The following HPCAL1 variants were observed in gnomAD, a reference collection of about 807,000 sequenced individuals.
The protein encoded by HPCAL1 is hippocalcin like 1.
Under a neutral mutation model 17.1 loss-of-function variants are expected in HPCAL1, and 8 were observed. The ratio of observed to expected loss-of-function variants is 0.47; its 90% confidence interval spans 0.27 to 0.84. The LOEUF is 0.84. HPCAL1 is among the 40% of genes least tolerant of loss of function. HPCAL1 has a pLI of 0.13. For missense variants in HPCAL1, 165 were observed against 271.1 expected (o/e 0.61, Z 2.75); for synonymous variants, 112 against 111.4 (o/e 1.01, Z -0.03).
At position 10,375,328 on chromosome 2, in the gene HPCAL1, C is replaced by T. The variant is rs551583305; in HGVS notation, c.-110-21507C>T. Reference sequence around the variant, plus strand: ...TTGTTCTTACCTAGAATTCACCAGGCAGGACAGGGCTGATGAGGGAGCCCC... The same window carrying T: ...TTGTTCTTACCTAGAATTCACCAGGTAGGACAGGGCTGATGAGGGAGCCCC... On this transcript the variant is annotated intron_variant, in intron 1 of 4. Coordinates refer to ENST00000307845, the MANE Select transcript of HPCAL1 (RefSeq NM_002149.4). Among the ~76,000 whole-genome samples the T allele has an allele frequency of 2.9e-3, 440 of 152,328 alleles. 2 individuals carry two copies. The highest frequency in any genetic ancestry group is 8.7e-3 in the African/African-American group (363 of 41,556).
chr2:10,398,978 G>A (rs535446787), intron 2 of HPCAL1, among the ~76,000 whole-genome samples: 7 of 152,126 alleles, frequency 4.6e-5, no homozygotes, highest in Admixed American at 1.3e-4. Flanking sequence ...ATCTGGGTCC[G>A]TGTTACCTGG....
chr2:10,305,989 C>T lies in HPCAL1; in HGVS notation c.-111+2812C>T, dbSNP rs552338085. On this transcript the variant is annotated intron_variant, in intron 1 of 4. Coordinates refer to ENST00000307845, the MANE Select transcript of HPCAL1 (RefSeq NM_002149.4). ...TCTGCAGCGCGGGTACAGTGCATGCCCTGCTGAGTGTGCGTCAGAGCAGTT... is the reference window on the plus strand; with the variant it reads ...TCTGCAGCGCGGGTACAGTGCATGCTCTGCTGAGTGTGCGTCAGAGCAGTT... Among the ~76,000 whole-genome samples the T allele has an allele frequency of 2.6e-5, 4 of 152,284 alleles. No homozygotes were observed. In the South Asian group the frequency reaches 6.2e-4, roughly 24 times the overall value.
rs368374032 is a variant in HPCAL1 at position 10,367,862 on chromosome 2, AC to A, written c.-110-28970del. On this transcript the variant is annotated intron_variant, in intron 1 of 4. Transcript: ENST00000307845. This position sits in a 1 kb window ranked among gnomAD's most constrained non-coding sequence, Gnocchi z 4.4. The stretch of plus-strand genomic sequence containing the variant: ...GTTCAGGATTCCTCATGTGACCCTT[AC>A]CCTGCCTGCCCTGGGACTGTGTGCC... Among the ~76,000 whole-genome samples, 18 of 151,862 alleles carry A rather than the reference AC, an allele frequency of 1.2e-4. No individual in the cohort carries two copies. The highest frequency in any genetic ancestry group is 4.4e-4 in the African/African-American group (18 of 41,362).
intron 1 of HPCAL1, among the ~76,000 whole-genome samples, chr2:10,379,088 GAGGCCA>G (rs1179496334): frequency 6.6e-6 from 1 of 152,082 alleles, no homozygotes; most frequent in Admixed American, 6.6e-5. Context: ...AGCACTTTGT[GAGGCCA>G]AGACGGGCAG....
chr2:10,416,852 G>T (rs1670705111), intron 2 of HPCAL1, among the ~76,000 whole-genome samples: 1 of 152,088 alleles, frequency 6.6e-6, no homozygotes, highest in Non-Finnish European at 1.5e-5. Context: ...CCCCAGGGTG[G>T]GTCATATTTC....
intron 1 of HPCAL1, among the ~76,000 whole-genome samples, chr2:10,339,824 C>A (rs771960977): frequency 6.6e-6 from 1 of 152,186 alleles, no homozygotes; most frequent in East Asian, 1.9e-4. Context: ...ACAGGGCTGG[C>A]GAAACGGAGG....
In HPCAL1 at chr2:10,367,795, C is replaced by A. The variant is rs546529967; in HGVS notation, c.-110-29040C>A. ...CGGACATGAGCAGCCTCTGCTGCTG[C>A]GGCCACCCTCGCCGGCCCTGGATCC... is the stretch of plus-strand genomic sequence containing the variant. On this transcript the variant is annotated intron_variant, in intron 1 of 4. Coordinates refer to ENST00000307845, the MANE Select transcript of HPCAL1 (RefSeq NM_002149.4). The surrounding 1 kb of genome is among the most constrained non-coding windows in gnomAD (Gnocchi z 4.4). Among the ~76,000 whole-genome samples the A allele has an allele frequency of 6.6e-6, 1 of 152,174 alleles. No homozygotes were observed. The highest frequency in any genetic ancestry group is 2.4e-5 in the African/African-American group (1 of 41,434).
intron 1 of HPCAL1, among the ~76,000 whole-genome samples, chr2:10,370,392 A>C (rs953189250): frequency 6.6e-5 from 10 of 152,202 alleles, no homozygotes; most frequent in African/African-American, 2.2e-4. Context: ...CTGGCTTGAC[A>C]CTGACCTGTT....
At chr2:10,346,347 G>A (rs910545816) in intron 1 of HPCAL1, among the ~76,000 whole-genome samples, 1 of 152,330 alleles carries the variant, frequency 6.6e-6, no homozygotes, top group Admixed American at 6.5e-5. Context: ...GGGATGGAAT[G>A]GGACTGACCC....
At chr2:10,351,911 C>CTT (rs532441714) in intron 1 of HPCAL1, among the ~76,000 whole-genome samples, 90 of 139,432 alleles carry the variant, frequency 6.5e-4, no homozygotes, top group Admixed American at 2.9e-3. Flanking sequence ...TTCTTTCTTT[C>CTT]TTTTTTTTTT....
chr2:10,378,233 T>G (rs1029603443), intron 1 of HPCAL1, among the ~76,000 whole-genome samples: 8 of 150,216 alleles, frequency 5.3e-5, no homozygotes, highest in East Asian at 1.9e-4. Flanking sequence ...GTTTTTTTTT[T>G]TTTTTTTTTT....
At chr2:10,407,631 G>A (rs1335075069) in intron 2 of HPCAL1, among the ~76,000 whole-genome samples, 1 of 152,202 alleles carries the variant, frequency 6.6e-6, no homozygotes, top group Non-Finnish European at 1.5e-5. Context: ...GGTGAGGGTG[G>A]ATGCTCTTTG....
intron 1 of HPCAL1, among the ~76,000 whole-genome samples, chr2:10,311,167 C>G (rs908709815): frequency 5.9e-5 from 9 of 152,174 alleles, no homozygotes; most frequent in Non-Finnish European, 1.0e-4. Flanking sequence ...CCCCCCGCCC[C>G]CCAATCCCTC....
intron 1 of HPCAL1, among the ~76,000 whole-genome samples, chr2:10,338,436 G>A (rs908260286): frequency 3.9e-5 from 6 of 152,248 alleles, no homozygotes; most frequent in Middle Eastern, 3.4e-3. Flanking sequence ...GCATAACCTC[G>A]TTGAGTCTCA....
At chr2:10,402,723 T>C (rs1041738112) in intron 2 of HPCAL1, among the ~76,000 whole-genome samples, 1 of 150,930 alleles carries the variant, frequency 6.6e-6, no homozygotes, top group African/African-American at 2.5e-5. Context: ...GGAGGTTCCC[T>C]TCCAAATTTA....
chr2:10,405,383 C>T (rs1251592529), intron 2 of HPCAL1, among the ~76,000 whole-genome samples: 1 of 152,380 alleles, frequency 6.6e-6, no homozygotes, highest in Non-Finnish European at 1.5e-5. Context: ...CAGGGCATGG[C>T]TCCAAGACCC....
intron 2 of HPCAL1, among the ~76,000 whole-genome samples, chr2:10,413,193 T>A (rs1670459431): frequency 1.3e-5 from 2 of 152,164 alleles, no homozygotes; most frequent in South Asian, 4.1e-4. Context: ...CCCCTGCCCA[T>A]CCTGTGGACC....
rs1374900737 is a variant in HPCAL1, at chr2:10,419,981, A to G, written c.224A>G (p.Asn75Ser). 1.9e-6 allele frequency: 3 copies of G among 1,613,742 alleles called. No homozygotes were observed. Among genetic ancestry groups the G allele is most frequent in the Non-Finnish European group, 1.7e-6 (2 of 1,179,956 alleles). ...CACGTCTTCCGCACCTTCGACACCA[A>G]CGGCGACGGCACCATCGACTTCCGG... The part of the protein sequence containing the change: ...AEHVFRTFDT[N>S]GDGTIDFREF... The change falls in exon 3 of 5, where the codon AAC (asparagine) becomes AGC (serine). Residue 75 changes from asparagine (N) to serine (S), a missense_variant. Coordinates refer to ENST00000307845, the MANE Select transcript of HPCAL1 (RefSeq NM_002149.4). This position sits in a 1 kb window ranked among gnomAD's most constrained non-coding sequence, Gnocchi z 5.0.
rs1670551785 is a variant in HPCAL1 at position 10,414,701 on chromosome 2, G to C, written c.-24-5033G>C. Among the ~76,000 whole-genome samples, 7 of 152,292 alleles carry C rather than the reference G, an allele frequency of 4.6e-5. 2 individuals are homozygous for C. In the South Asian group the frequency reaches 1.4e-3, roughly 32 times the overall value. On this transcript the variant is annotated intron_variant, in intron 2 of 4. Coordinates refer to ENST00000307845, the MANE Select transcript of HPCAL1 (RefSeq NM_002149.4). ...CAGCAGCTGTCTCATTCTGCTCACA[G>C]CTGGTTCTCTCTGGCCACGTGCCAG...
Sources: gnomAD v4.1 joint callset for allele counts (sites outside exome capture counted in the v4.1 genomes callset) on GRCh38, gnomAD v4.1.1 for gene constraint, Gnocchi (gnomAD v3.1) non-coding constraint, MANE v1.5 for transcripts, NCBI Gene and HGNC (gene_info 2026-07-23, HGNC 2026-07-21) for gene names.